The following LRRC3B variants were observed in gnomAD, a reference collection of about 807,000 sequenced individuals.
LRRC3B encodes leucine rich repeat containing 3B, also known as leucine-rich repeat-containing protein 3B.
A neutral mutation model predicts 12.8 loss-of-function variants in LRRC3B; 2 were observed. That is an observed-to-expected ratio of 0.16 (90% CI 0.06 to 0.49). The LOEUF is 0.49. LRRC3B is among the 20% of genes least tolerant of loss of function. LRRC3B has a pLI of 0.96. For missense variants in LRRC3B, 189 were observed against 319.4 expected, an observed-to-expected ratio of 0.59 and a Z score of 3.11; for synonymous variants, 132 against 122.0, an observed-to-expected ratio of 1.08 and a Z score of -0.54.
intron 1 of LRRC3B, among the ~76,000 whole-genome samples, chr3:26,628,473 T>G (rs949282924): frequency 6.6e-6 from 1 of 150,708 alleles, no homozygotes; most frequent in East Asian, 1.9e-4. Context: ...TTTACCCTTA[T>G]TGATTTTATT....
intron 1 of LRRC3B, among the ~76,000 whole-genome samples, chr3:26,683,420 G>GT (rs144060898): frequency 0.062 from 9,490 of 152,252 alleles, 989 homozygotes; most frequent in African/African-American, 0.22. Context: ...GGGCCCACCA[G>GT]TTTAGGCCAA....
At chr3:26,671,373 T>TATATATAGAGAG (rs1261897533) in intron 1 of LRRC3B, among the ~76,000 whole-genome samples, 4 of 28,250 alleles carry the variant, frequency 1.4e-4, no homozygotes, top group South Asian at 2.2e-3. Flanking sequence ...TATATATATA[T>TATATATAGAGAG]AGAGAGAGAG....
intron 1 of LRRC3B, among the ~76,000 whole-genome samples, chr3:26,671,387 G>T (rs1200342085): frequency 6.4e-5 from 7 of 109,398 alleles, no homozygotes; most frequent in African/African-American, 1.2e-4. Flanking sequence ...GAGAGAGAGA[G>T]AGAGAGAGAG....
At position 26,656,220 on chromosome 3, in the gene LRRC3B, C is replaced by T. The variant is rs371847334; in HGVS notation, c.-161+32983C>T. Reference sequence around the variant, plus strand: ...TGCTGCTGTCCCAAATGAGCTGACACGCAGGATGGTTGCATATTGCAGCGA... The same window carrying T: ...TGCTGCTGTCCCAAATGAGCTGACATGCAGGATGGTTGCATATTGCAGCGA... On this transcript the variant is annotated intron_variant, in intron 1 of 1. Coordinates refer to ENST00000396641, the Ensembl canonical transcript of LRRC3B. 9.9e-5 allele frequency among the ~76,000 whole-genome samples: 15 copies of T among 152,284 alleles called. No individual in the cohort carries two copies. The East Asian group carries it at 1.7e-3, about 18-fold the overall frequency.
Position 26,651,595 on chromosome 3 carries a change from T to TTGAA in LRRC3B, c.-161+28387_-161+28390dup, listed in dbSNP as rs34871865. Among the ~76,000 whole-genome samples, 941 of 152,096 alleles carry TTGAA rather than the reference T, an allele frequency of 6.2e-3. 6 individuals are homozygous for TTGAA. The highest frequency in any genetic ancestry group is 0.015 in the African/African-American group (609 of 41,488). On this transcript the variant is annotated intron_variant, in intron 1 of 1. Coordinates refer to ENST00000396641, the Ensembl canonical transcript of LRRC3B. ...AAAGTCAATACTCAATAAATATCTG[T>TTGAA]TGAATGAATGAATGAATGAATGAAT...
At chr3:26,699,000 T>C (rs955878166) in intron 1 of LRRC3B, among the ~76,000 whole-genome samples, 1 of 152,184 alleles carries the variant, frequency 6.6e-6, no homozygotes, top group African/African-American at 2.4e-5. Flanking sequence ...TTTCTTTATC[T>C]AGAACAGTTC....
intron 1 of LRRC3B, among the ~76,000 whole-genome samples, chr3:26,673,097 C>G (rs1445048404): frequency 6.6e-6 from 1 of 152,102 alleles, no homozygotes. Flanking sequence ...AGAAGTTACT[C>G]TTAAATAAAA....
At chr3:26,647,806 G>A (rs1225355591) in intron 1 of LRRC3B, among the ~76,000 whole-genome samples, 2 of 152,162 alleles carry the variant, frequency 1.3e-5, no homozygotes, top group African/African-American at 4.8e-5. Context: ...TCAATCCCAT[G>A]GAGTACACAG....
chr3:26,623,432 C>T (rs1034336797), intron 1 of LRRC3B, among the ~76,000 whole-genome samples, 195 bp downstream of exon 1: 1 of 152,204 alleles, frequency 6.6e-6, no homozygotes, highest in African/African-American at 2.4e-5. Context: ...AGTCGACCCT[C>T]TTCGCTCCTG....
intron 1 of LRRC3B, among the ~76,000 whole-genome samples, chr3:26,663,141 G>A (rs1231446496): frequency 1.3e-5 from 2 of 152,098 alleles, no homozygotes; most frequent in Non-Finnish European, 2.9e-5. Context: ...TTCTTCCAAA[G>A]CATTTCCATA....
At chr3:26,675,209 A>T (rs984370215) in intron 1 of LRRC3B, among the ~76,000 whole-genome samples, 2 of 152,232 alleles carry the variant, frequency 1.3e-5, no homozygotes, top group Non-Finnish European at 2.9e-5. Flanking sequence ...TCGTAAAATA[A>T]AATGGATACA....
intron 1 of LRRC3B, among the ~76,000 whole-genome samples, chr3:26,707,408 A>G (rs1700625591): frequency 6.6e-6 from 1 of 152,050 alleles, no homozygotes; most frequent in African/African-American, 2.4e-5. Flanking sequence ...GCTGATATAC[A>G]AACTCAGTGT....
At chr3:26,651,121 G>A (rs1041415270) in intron 1 of LRRC3B, among the ~76,000 whole-genome samples, 1 of 152,186 alleles carries the variant, frequency 6.6e-6, no homozygotes, top group Non-Finnish European at 1.5e-5. Flanking sequence ...TCCATTCCAT[G>A]ATGATCACTG....
chr3:26,629,106 G>A (rs945475193), intron 1 of LRRC3B, among the ~76,000 whole-genome samples: 1 of 152,148 alleles, frequency 6.6e-6, no homozygotes, highest in Non-Finnish European at 1.5e-5. Context: ...CAACCATGGA[G>A]TAATATTTGA....
At chr3:26,626,977 AT>A (rs987346769) in intron 1 of LRRC3B, among the ~76,000 whole-genome samples, 1 of 152,182 alleles carries the variant, frequency 6.6e-6, no homozygotes, top group African/African-American at 2.4e-5. Flanking sequence ...AAATTCTTGG[AT>A]TTCTCCTGGA....
chr3:26,659,820 G>T (rs573258040), intron 1 of LRRC3B, among the ~76,000 whole-genome samples: 5 of 152,284 alleles, frequency 3.3e-5, no homozygotes, highest in African/African-American at 9.6e-5. Context: ...ATTATCCCCT[G>T]TAGAGTCTTC....
chr3:26,666,893 GA>G (rs1376451240), intron 1 of LRRC3B, among the ~76,000 whole-genome samples: 1 of 152,068 alleles, frequency 6.6e-6, no homozygotes, highest in Non-Finnish European at 1.5e-5. Context: ...TTGTAGAATA[GA>G]AATTGTTGGT....
chr3:26,700,963 C>T (rs983549878), intron 1 of LRRC3B, among the ~76,000 whole-genome samples: 2 of 152,118 alleles, frequency 1.3e-5, no homozygotes, highest in Non-Finnish European at 2.9e-5. Context: ...TGAAACTTTC[C>T]TTCTTGCCTC....
At chr3:26,636,564 G>A (rs538503649) in intron 1 of LRRC3B, among the ~76,000 whole-genome samples, 2 of 152,192 alleles carry the variant, frequency 1.3e-5, no homozygotes, top group East Asian at 3.9e-4. Context: ...GTGTAATGAA[G>A]AGTATGTATT....
Sources: allele counts gnomAD v4.1 joint callset (sites outside exome capture counted in the v4.1 genomes callset), GRCh38; gene constraint gnomAD v4.1.1; transcripts MANE v1.5; gene names NCBI Gene and HGNC (gene_info 2026-07-23, HGNC 2026-07-21).